SMARCA2: variants seen among roughly 807,000 people sequenced by gnomAD.
SMARCA2 encodes SWI/SNF related BAF chromatin remodeling complex subunit ATPase 2.
A neutral mutation model predicts 199.8 loss-of-function variants in SMARCA2; 61 were observed. The ratio of observed to expected loss-of-function variants is 0.31; its 90% CI spans 0.25 to 0.38. SMARCA2 has a LOEUF of 0.38. Ranked by LOEUF, SMARCA2 falls within the 10% of genes least tolerant of loss-of-function variation. SMARCA2 has a pLI of 1.00. For missense variants in SMARCA2, 1,344 were observed against 2,012.2 expected, an observed-to-expected ratio of 0.67 and a Z score of 6.35; for synonymous variants, 935 against 732.0, an observed-to-expected ratio of 1.28 and a Z score of -4.48.
At chr9:2,144,291 G>T (rs747955319) in intron 27 of SMARCA2, among the ~76,000 whole-genome samples, 10 of 152,104 alleles carry the variant, frequency 6.6e-5, no homozygotes, top group Non-Finnish European at 1.3e-4. Flanking sequence ...TTGTGTTTCT[G>T]TTGGCGACCC....
rs1035342055 is a variant in SMARCA2, at chr9:2,161,413, T to G, written c.3982-273T>G. On this transcript the variant is annotated intron_variant, in intron 27 of 33. Coordinates refer to ENST00000349721, the MANE Select transcript of SMARCA2 (RefSeq NM_003070.5). This position sits in a 1 kb window ranked among gnomAD's most constrained non-coding sequence, Gnocchi z 4.7. Reference sequence around the variant, plus strand: ...TCAAACACTTGAATTTATAGATCTTTTAATATTTGTCATATTCTCCTTTAC... The same window carrying G: ...TCAAACACTTGAATTTATAGATCTTGTAATATTTGTCATATTCTCCTTTAC... Among the ~76,000 whole-genome samples the G allele has an allele frequency of 6.6e-6, 1 of 152,222 alleles. No homozygotes were observed. The highest frequency in any genetic ancestry group is 2.4e-5 in the African/African-American group (1 of 41,462).
At chr9:2,175,609 A>AAATT (rs1213154199) in intron 29 of SMARCA2, among the ~76,000 whole-genome samples, 3 of 152,218 alleles carry the variant, frequency 2.0e-5, no homozygotes, top group Admixed American at 6.5e-5. Flanking sequence ...TGGAAAAATA[A>AAATT]AATTAGATAT....
chr9:2,169,591 G>A lies in SMARCA2; in HGVS notation c.4200-828G>A, dbSNP rs1458139930. On this transcript the variant is annotated intron_variant, in intron 28 of 33. Transcript: ENST00000349721. The surrounding 1 kb of genome is among the most constrained non-coding windows in gnomAD (Gnocchi z 6.5). ...CCCCACACTGACTCTAGAGCAGAAT[G>A]GGGCAGTGACTCCGAGAAGGGATTT... Among the ~76,000 whole-genome samples, 1 of 152,142 alleles carries A rather than the reference G, an allele frequency of 6.6e-6. No homozygotes were observed. The highest frequency in any genetic ancestry group is 1.9e-4 in the East Asian group (1 of 5,194).
chr9:2,147,748 G>T (rs1423540854), intron 27 of SMARCA2, among the ~76,000 whole-genome samples: 1 of 151,462 alleles, frequency 6.6e-6, no homozygotes, highest in Non-Finnish European at 1.5e-5. Context: ...TTGGGAGGCT[G>T]AGGCAGGGAA....
intron 24 of SMARCA2, among the ~76,000 whole-genome samples, chr9:2,112,950 A>G (rs1204831422): frequency 2.0e-5 from 3 of 152,138 alleles, no homozygotes; most frequent in Non-Finnish European, 4.4e-5. Context: ...TGAACACCCC[A>G]CCAGGATCAT....
rs551857398 is a variant in SMARCA2 at position 2,123,992 on chromosome 9, G to A, written c.3981+55G>A. The A allele has an allele frequency of 2.7e-5, 38 of 1,390,244 alleles. No homozygotes were observed. The East Asian group carries it at 9.5e-4, about 35-fold the overall frequency. The allele number at this position is 1,390,244 out of a possible 1,614,324, so 86.1% of individuals were successfully genotyped here. The stretch of plus-strand genomic sequence containing the variant: ...CTAGGTGGAGGGTTTTTGGTGGCTT[G>A]GAGAAACCAGGGGCCTAGAGCTGGG... On this transcript the variant is annotated intron_variant, in intron 27 of 33. Coordinates refer to ENST00000349721, the MANE Select transcript of SMARCA2 (RefSeq NM_003070.5). The surrounding 1 kb of genome is among the most constrained non-coding windows in gnomAD (Gnocchi z 4.1).
At chr9:2,186,870 A>G (rs1038993462) in intron 32 of SMARCA2, among the ~76,000 whole-genome samples, 1 of 152,090 alleles carries the variant, frequency 6.6e-6, no homozygotes, top group Admixed American at 6.6e-5. Context: ...AGCCTACTAC[A>G]CATTTTCTAC....
chr9:2,060,320 A>G (rs1198587286), intron 8 of SMARCA2, among the ~76,000 whole-genome samples: 2 of 152,178 alleles, frequency 1.3e-5, no homozygotes, highest in African/African-American at 4.8e-5. Flanking sequence ...ATTTGCTTCA[A>G]GACAATTCAG....
At chr9:2,059,667 A>G (rs1820500172) in intron 8 of SMARCA2, among the ~76,000 whole-genome samples, 1 of 152,188 alleles carries the variant, frequency 6.6e-6, no homozygotes, top group Non-Finnish European at 1.5e-5. Flanking sequence ...TCTTCAAGTG[A>G]GTTCAACCAT....
chr9:2,083,426 G>A lies in SMARCA2; in HGVS notation c.2415+13G>A. 1 of 1,569,998 alleles carries A rather than the reference G, an allele frequency of 6.4e-7. No individual in the cohort carries two copies. The highest frequency in any genetic ancestry group is 8.7e-7 in the Non-Finnish European group (1 of 1,148,934). On this transcript the variant is annotated intron_variant, in intron 16 of 33. Coordinates refer to ENST00000349721, the MANE Select transcript of SMARCA2 (RefSeq NM_003070.5). ...GATTTCTTACAAGGTTTGGAATGCT[G>A]TATTTATATATAAATGTGGAAAAGC... is the stretch of plus-strand genomic sequence containing the variant.
intron 19 of SMARCA2, among the ~76,000 whole-genome samples, chr9:2,089,967 T>G (rs1821981992): frequency 6.6e-6 from 1 of 152,210 alleles, no homozygotes; most frequent in Non-Finnish European, 1.5e-5. Flanking sequence ...ATTCATTCCA[T>G]AAGACTTCTT....
At chr9:2,022,971 G>A (rs1404421267) in intron 1 of SMARCA2, among the ~76,000 whole-genome samples, 1 of 152,208 alleles carries the variant, frequency 6.6e-6, no homozygotes, top group Non-Finnish European at 1.5e-5. Context: ...GAGTCTCAGA[G>A]TAGAGGATGC....
At chr9:2,052,431 G>A (rs565543849) in intron 5 of SMARCA2, among the ~76,000 whole-genome samples, 35 of 152,314 alleles carry the variant, frequency 2.3e-4, no homozygotes, top group African/African-American at 8.2e-4. Flanking sequence ...AGCAGAGATA[G>A]TGCCACTGCA....
intron 27 of SMARCA2, among the ~76,000 whole-genome samples, chr9:2,135,377 C>T (rs1824148313): frequency 6.6e-6 from 1 of 152,148 alleles, no homozygotes; most frequent in Non-Finnish European, 1.5e-5. Flanking sequence ...CTTACAGACA[C>T]ATCACAAAAT....
chr9:2,118,553 A>G (rs1028982525), intron 25 of SMARCA2, among the ~76,000 whole-genome samples: 8 of 152,164 alleles, frequency 5.3e-5, no homozygotes, highest in African/African-American at 1.9e-4. Context: ...CCCTCGACTG[A>G]TACACTGAAA....
At chr9:2,173,060 G>A (rs1826343940) in intron 29 of SMARCA2, among the ~76,000 whole-genome samples, 1 of 152,334 alleles carries the variant, frequency 6.6e-6, no homozygotes, top group South Asian at 2.1e-4. Flanking sequence ...CAGTCTGGAT[G>A]TGTGAGGAGG....
chr9:2,129,605 G>A (rs933404763), intron 27 of SMARCA2, among the ~76,000 whole-genome samples: 4 of 152,116 alleles, frequency 2.6e-5, no homozygotes, highest in Admixed American at 6.5e-5. Flanking sequence ...CAATGTATAG[G>A]CATGATTGAT....
intron 27 of SMARCA2, among the ~76,000 whole-genome samples, chr9:2,138,686 G>A (rs1263837221): frequency 6.6e-6 from 1 of 152,258 alleles, no homozygotes; most frequent in East Asian, 1.9e-4. Context: ...CAACATCTTG[G>A]ATAAATCACT....
chr9:2,103,732 A>G (rs556447336), intron 22 of SMARCA2, among the ~76,000 whole-genome samples: 5 of 152,114 alleles, frequency 3.3e-5, no homozygotes, highest in Admixed American at 1.3e-4. Flanking sequence ...AAGTATTAAG[A>G]ACATGAAAGT....
Sources: gnomAD v4.1 joint callset for allele counts (sites outside exome capture counted in the v4.1 genomes callset) on GRCh38, gnomAD v4.1.1 for gene constraint, Gnocchi (gnomAD v3.1) non-coding constraint, MANE v1.5 for transcripts, NCBI Gene and HGNC (gene_info 2026-07-23, HGNC 2026-07-21) for gene names.